PKHD1: variants seen among roughly 807,000 people sequenced by gnomAD.
PKHD1 encodes fibrocystin.
PKHD1 carries 291 observed loss-of-function variants against 412.0 expected under a neutral mutation model. That is an observed-to-expected ratio of 0.71 (90% CI 0.64 to 0.78). The LOEUF is 0.78. PKHD1 is among the 30% of genes least tolerant of loss of function. The pLI, the probability that PKHD1 is intolerant of heterozygous loss-of-function variation, is 0.00. For synonymous variants in PKHD1, 1,777 were observed against 1,821.5 expected (o/e 0.98, Z 0.62); for missense variants, 4,825 against 4,950.7 (o/e 0.97, Z 0.76).
Position 51,633,577 on chromosome 6 carries a change from T to A in PKHD1, c.11507-854A>T, listed in dbSNP as rs12193365. Among the ~76,000 whole-genome samples, 561 of 152,186 alleles carry A rather than the reference T, an allele frequency of 3.7e-3. 7 individuals carry two copies. Among genetic ancestry groups the A allele is most frequent in the Non-Finnish European group, 5.9e-3 (399 of 67,984 alleles). The stretch of plus-strand genomic sequence containing the variant: ...AAAGGAAAAGAAACAAACACACAAT[T>A]GATAACCTGTAACAACTAGAATGAG... On this transcript the variant is annotated intron_variant, in intron 64 of 66. Transcript: ENST00000371117.
intron 55 of PKHD1, among the ~76,000 whole-genome samples, chr6:51,762,463 C>G (rs2151069571): frequency 6.6e-6 from 1 of 152,110 alleles, no homozygotes; most frequent in African/African-American, 2.4e-5. Context: ...TCAGTCTTCA[C>G]AAGTCAACTC....
At chr6:51,993,596 G>A (rs1346830475) in intron 35 of PKHD1, among the ~76,000 whole-genome samples, 2 of 152,160 alleles carry the variant, frequency 1.3e-5, no homozygotes, top group African/African-American at 4.8e-5. Flanking sequence ...ATGCCAAACT[G>A]GAAGCTGAAG....
At chr6:52,069,415 T>C (rs762100060) in intron 11 of PKHD1, 42 bp downstream of exon 11, 1 of 1,400,518 alleles carries the variant, frequency 7.1e-7, no homozygotes, top group Non-Finnish European at 1.0e-6. Context: ...CAACATTGAG[T>C]GAGGCACAAG....
intron 60 of PKHD1, among the ~76,000 whole-genome samples, chr6:51,700,149 C>T (rs1011029814): frequency 1.3e-5 from 2 of 151,682 alleles, no homozygotes; most frequent in Non-Finnish European, 2.9e-5. Flanking sequence ...ACCAAGTGTT[C>T]CTGAGAAATT....
intron 60 of PKHD1, among the ~76,000 whole-genome samples, chr6:51,668,203 G>A (rs1217232384): frequency 1.3e-5 from 2 of 151,996 alleles, no homozygotes; most frequent in Admixed American, 1.3e-4. Flanking sequence ...CCATTTGTTT[G>A]TATCCTCTTT....
intron 35 of PKHD1, among the ~76,000 whole-genome samples, chr6:51,971,415 G>C (rs981865243): frequency 5.3e-5 from 8 of 152,128 alleles, no homozygotes; most frequent in Non-Finnish European, 1.0e-4. Context: ...AGAAGGACAG[G>C]TTATTCGCTC....
At chr6:51,976,380 A>G (rs1719136588) in intron 35 of PKHD1, among the ~76,000 whole-genome samples, 2 of 152,250 alleles carry the variant, frequency 1.3e-5, no homozygotes, top group African/African-American at 4.8e-5. Context: ...GCTAAAAGAA[A>G]TAAACCAAAC....
At chr6:51,853,983 G>T (rs954287482) in intron 49 of PKHD1, among the ~76,000 whole-genome samples, 1 of 152,146 alleles carries the variant, frequency 6.6e-6, no homozygotes, top group African/African-American at 2.4e-5. Flanking sequence ...GTGATCATTT[G>T]GAGGAGAAGA....
intron 37 of PKHD1, among the ~76,000 whole-genome samples, chr6:51,928,751 AAG>A (rs1786097490): frequency 6.6e-6 from 1 of 152,142 alleles, no homozygotes; most frequent in Admixed American, 6.6e-5. Context: ...AGGCAGCAAT[AAG>A]GAGTAGGAGA....
At chr6:51,852,599 T>G (rs892782812) in intron 49 of PKHD1, among the ~76,000 whole-genome samples, 1 of 152,218 alleles carries the variant, frequency 6.6e-6, no homozygotes, top group East Asian at 1.9e-4. Flanking sequence ...ATTGGGGGCA[T>G]GTATATTTAG....
chr6:51,984,953 A>G (rs990265534), intron 35 of PKHD1, among the ~76,000 whole-genome samples: 1 of 152,232 alleles, frequency 6.6e-6, no homozygotes, highest in Admixed American at 6.5e-5. Context: ...AAAAATAAGG[A>G]GAAAGCAAGA....
At chr6:51,791,129 C>T (rs548951442) in intron 53 of PKHD1, 107 bp downstream of exon 53, 254 of 1,149,550 alleles carry the variant, frequency 2.2e-4, no homozygotes, top group Non-Finnish European at 2.6e-4. Flanking sequence ...CTTAACCCTC[C>T]CTAAACTCTG....
intron 66 of PKHD1, among the ~76,000 whole-genome samples, chr6:51,621,283 C>T (rs1352705218): frequency 6.6e-6 from 1 of 152,178 alleles, no homozygotes; most frequent in African/African-American, 2.4e-5. Flanking sequence ...TGGGCATCAT[C>T]TCCATAATTA....
intron 43 of PKHD1, among the ~76,000 whole-genome samples, chr6:51,899,792 A>T (rs142435038): frequency 0.058 from 8,844 of 152,162 alleles, 529 homozygotes; most frequent in African/African-American, 0.15. Flanking sequence ...CAAAATCTCC[A>T]TAACCTGATA....
intron 61 of PKHD1, among the ~76,000 whole-genome samples, chr6:51,654,488 A>AT (rs1412617763): frequency 1.3e-4 from 20 of 152,136 alleles, no homozygotes; most frequent in Non-Finnish European, 2.8e-4. Flanking sequence ...AGAGTCTATT[A>AT]TATTTACCTA....
chr6:51,638,302 T>C (rs1768851232), intron 64 of PKHD1, among the ~76,000 whole-genome samples: 1 of 152,198 alleles, frequency 6.6e-6, no homozygotes, highest in African/African-American at 2.4e-5. Flanking sequence ...TTAAATAACA[T>C]GTTGACAAAT....
intron 35 of PKHD1, among the ~76,000 whole-genome samples, chr6:52,002,320 A>C (rs1366641757): frequency 6.6e-6 from 1 of 152,210 alleles, no homozygotes; most frequent in Admixed American, 6.5e-5. Context: ...AGACAGGGAC[A>C]TTGCTGGAAT....
intron 43 of PKHD1, among the ~76,000 whole-genome samples, chr6:51,901,678 G>GA (rs1158591632): frequency 7.5e-4 from 69 of 92,048 alleles, no homozygotes; most frequent in Admixed American, 1.1e-3. Context: ...AATAATAAAA[G>GA]AAAAAAAAAC....
intron 49 of PKHD1, among the ~76,000 whole-genome samples, chr6:51,851,897 T>TA: frequency 6.6e-6 from 1 of 152,136 alleles, no homozygotes; most frequent in East Asian, 1.9e-4. Flanking sequence ...TTTGTGTCTA[T>TA]AACTCCTTCA....
Sources: allele counts gnomAD v4.1 joint callset (sites outside exome capture counted in the v4.1 genomes callset), GRCh38; gene constraint gnomAD v4.1.1; transcripts MANE v1.5; gene names NCBI Gene and HGNC (gene_info 2026-07-23, HGNC 2026-07-21).